Variants in SHISA9 observed in about 807,000 individuals in gnomAD.
SHISA9 encodes the protein protein shisa-9.
In SHISA9, 13 loss-of-function variants were observed where a neutral mutation model predicts 38.0. The ratio of observed to expected loss-of-function variants is 0.34; its 90% CI spans 0.22 to 0.54. The LOEUF is 0.54. Ranked by LOEUF, SHISA9 falls within the 20% of genes least tolerant of loss-of-function variation. The pLI, the probability that SHISA9 is intolerant of heterozygous loss-of-function variation, is 0.91. For missense variants in SHISA9, 538 were observed against 575.8 expected, an observed-to-expected ratio of 0.93 and a Z score of 0.67; for synonymous variants, 275 against 242.0, an observed-to-expected ratio of 1.14 and a Z score of -1.27.
intron 2 of SHISA9, among the ~76,000 whole-genome samples, chr16:12,981,122 G>A (rs74012215): frequency 4.5e-4 from 69 of 152,298 alleles, no homozygotes; most frequent in African/African-American, 1.6e-3. Context: ...TTACCCTGGA[G>A]GTATTGGGTA....
At chr16:12,938,593 G>T (rs2071565892) in intron 2 of SHISA9, among the ~76,000 whole-genome samples, 1 of 151,990 alleles carries the variant, frequency 6.6e-6, no homozygotes, top group Admixed American at 6.6e-5. Context: ...TGCCTCCCAG[G>T]TTCAAGTGAT....
At chr16:12,953,235 AC>A (rs1372475949) in intron 2 of SHISA9, among the ~76,000 whole-genome samples, 3 of 152,110 alleles carry the variant, frequency 2.0e-5, no homozygotes, top group Non-Finnish European at 4.4e-5. Context: ...AACAACAACA[AC>A]AACAAAAAAC....
the SHISA9 span, among the ~76,000 whole-genome samples, chr16:13,418,810 G>A: frequency 6.6e-6 from 1 of 152,194 alleles, no homozygotes; most frequent in Non-Finnish European, 1.5e-5. Flanking sequence ...TAGCATGCTG[G>A]TGTGATTGCA....
intron 2 of SHISA9, among the ~76,000 whole-genome samples, chr16:13,140,408 C>T (rs961596841): frequency 1.3e-5 from 2 of 152,022 alleles, no homozygotes; most frequent in Non-Finnish European, 1.5e-5. Flanking sequence ...AACTCCTGAC[C>T]TCAGGTGATC....
intron 2 of SHISA9, among the ~76,000 whole-genome samples, chr16:12,958,777 A>G (rs566910391): frequency 6.6e-6 from 1 of 152,324 alleles, no homozygotes; most frequent in East Asian, 1.9e-4. Flanking sequence ...GACTTTCCTG[A>G]AATTATGTAT....
At chr16:12,973,290 G>C (rs150439956) in intron 2 of SHISA9, among the ~76,000 whole-genome samples, 1 of 152,286 alleles carries the variant, frequency 6.6e-6, no homozygotes, top group East Asian at 1.9e-4. Context: ...AGGTTTCCTG[G>C]AATGATATGG....
intron 3 of SHISA9, among the ~76,000 whole-genome samples, chr16:13,211,023 A>G (rs1264988420): frequency 6.6e-6 from 1 of 152,204 alleles, no homozygotes; most frequent in African/African-American, 2.4e-5. Context: ...TTGGCTGGGC[A>G]CAGTGGCTCA....
the SHISA9 span, among the ~76,000 whole-genome samples, chr16:13,502,963 A>G: frequency 6.6e-6 from 1 of 152,208 alleles, no homozygotes; most frequent in African/African-American, 2.4e-5. Context: ...GCAATTGCAA[A>G]TTATAACAGT....
At chr16:13,435,640 A>G in the SHISA9 span, among the ~76,000 whole-genome samples, 1 of 152,220 alleles carries the variant, frequency 6.6e-6, no homozygotes, top group South Asian at 2.1e-4. Flanking sequence ...AGTACATCCT[A>G]CAGCCTCTGA....
Position 13,235,450 on chromosome 16 carries a change from G to C in SHISA9, c.*41G>C. 6.7e-7 allele frequency: 1 copy of C among 1,493,904 alleles called. No homozygotes were observed. The highest frequency in any genetic ancestry group is 8.9e-7 in the Non-Finnish European group (1 of 1,125,338). 92.5% of individuals were successfully genotyped at this position (1,493,904 alleles called of 1,614,324 possible). ...AGCACCCTGGAGACCACACTCAACT[G>C]AGAGAGGCAAAAAACAACCCCGCCC... On this transcript the variant is annotated 3_prime_UTR_variant, in exon 5 of 5. Coordinates refer to ENST00000558583, the MANE Select transcript of SHISA9 (RefSeq NM_001145204.3).
At chr16:13,093,883 A>G (rs1192290003) in intron 2 of SHISA9, among the ~76,000 whole-genome samples, 1 of 152,142 alleles carries the variant, frequency 6.6e-6, no homozygotes, top group African/African-American at 2.4e-5. Flanking sequence ...CTCTGGCAGA[A>G]GGGAGGCACC....
At chr16:13,328,447 T>C in the SHISA9 span, among the ~76,000 whole-genome samples, 1 of 151,292 alleles carries the variant, frequency 6.6e-6, no homozygotes, top group South Asian at 2.1e-4. Context: ...AATTTTACTC[T>C]TGTCACCCAG....
intron 2 of SHISA9, among the ~76,000 whole-genome samples, chr16:13,148,105 G>A (rs556568384): frequency 5.3e-5 from 8 of 152,160 alleles, no homozygotes; most frequent in Admixed American, 3.3e-4. Flanking sequence ...ACTGTTCACG[G>A]CATGCACACT....
At chr16:13,325,601 C>A in the SHISA9 span, among the ~76,000 whole-genome samples, 2 of 152,160 alleles carry the variant, frequency 1.3e-5, no homozygotes, top group African/African-American at 2.4e-5. Context: ...AATCTGCCGT[C>A]TGCAGGAGGG....
the SHISA9 span, among the ~76,000 whole-genome samples, chr16:13,548,328 A>G: frequency 6.6e-6 from 1 of 152,208 alleles, no homozygotes; most frequent in Non-Finnish European, 1.5e-5. Context: ...AGACCTAAAA[A>G]GCATAGGCAA....
At chr16:13,451,100 A>T in the SHISA9 span, among the ~76,000 whole-genome samples, 1 of 152,172 alleles carries the variant, frequency 6.6e-6, no homozygotes, top group African/African-American at 2.4e-5. Context: ...TCCCGGGAAC[A>T]GCCCTCAGTG....
At chr16:13,192,719 C>CA (rs2050897504) in intron 2 of SHISA9, among the ~76,000 whole-genome samples, 2 of 151,982 alleles carry the variant, frequency 1.3e-5, no homozygotes, top group Admixed American at 1.3e-4. Context: ...GCTAAAAATA[C>CA]AAAAAATTAC....
chr16:13,087,768 C>T (rs1050650867), intron 2 of SHISA9, among the ~76,000 whole-genome samples: 3 of 152,308 alleles, frequency 2.0e-5, no homozygotes, highest in East Asian at 1.9e-4. Context: ...TTCTCCCATT[C>T]TGTAGGTTGC....
chr16:12,972,636 A>G (rs1255944565), intron 2 of SHISA9, among the ~76,000 whole-genome samples: 2 of 152,022 alleles, frequency 1.3e-5, no homozygotes, highest in African/African-American at 4.8e-5. Context: ...GACCATTGAC[A>G]TGCGGGTAAT....
Sources: allele counts gnomAD v4.1 joint callset (sites outside exome capture counted in the v4.1 genomes callset), GRCh38; gene constraint gnomAD v4.1.1; transcripts MANE v1.5; gene names NCBI Gene and HGNC (gene_info 2026-07-23, HGNC 2026-07-21).